GALNTL6: variants seen among roughly 807,000 people sequenced by gnomAD.
GALNTL6 encodes the protein polypeptide N-acetylgalactosaminyltransferase like 6, also known as polypeptide N-acetylgalactosaminyltransferase-like 6.
A neutral mutation model predicts 73.7 loss-of-function variants in GALNTL6; 46 were observed. The observed-to-expected ratio is 0.62, with a 90% confidence interval of 0.49 to 0.80. The LOEUF (loss-of-function observed/expected upper bound fraction) is 0.80. Ranked by LOEUF, GALNTL6 falls within the 30% of genes least tolerant of loss-of-function variation. GALNTL6 has a pLI of 0.00. For synonymous variants in GALNTL6, 259 were observed against 263.7 expected, an observed-to-expected ratio of 0.98 and a Z score of 0.17; for missense variants, 604 against 755.0, an observed-to-expected ratio of 0.80 and a Z score of 2.34.
chr4:172,047,042 A>G (rs1742240440), intron 2 of GALNTL6, among the ~76,000 whole-genome samples: 1 of 152,160 alleles, frequency 6.6e-6, no homozygotes, highest in South Asian at 2.1e-4. Context: ...GAAAACTCCC[A>G]TTCATTCTTA....
chr4:171,837,983 G>C (rs1016236721), intron 2 of GALNTL6, among the ~76,000 whole-genome samples: 5 of 151,606 alleles, frequency 3.3e-5, no homozygotes, highest in African/African-American at 1.2e-4. Context: ...CAAGATAAAT[G>C]CTGTGTTTAT....
chr4:171,818,067 G>A (rs935154024), intron 2 of GALNTL6, among the ~76,000 whole-genome samples: 1 of 151,278 alleles, frequency 6.6e-6, no homozygotes, highest in Admixed American at 6.6e-5. Flanking sequence ...AATATATTTA[G>A]CTGAGAATGA....
intron 2 of GALNTL6, among the ~76,000 whole-genome samples, chr4:171,870,760 T>C (rs2110894225): frequency 6.6e-6 from 1 of 152,250 alleles, no homozygotes. Flanking sequence ...GACAGACACA[T>C]ACTGGAGGGG....
intron 5 of GALNTL6, among the ~76,000 whole-genome samples, chr4:172,484,291 T>C (rs1315705980): frequency 6.6e-6 from 1 of 152,208 alleles, no homozygotes; most frequent in African/African-American, 2.4e-5. Context: ...TGACTAGATT[T>C]TAGGAAAATA....
intron 5 of GALNTL6, among the ~76,000 whole-genome samples, chr4:172,398,376 A>G (rs751757670): frequency 3.9e-5 from 6 of 152,202 alleles, no homozygotes; most frequent in Non-Finnish European, 7.3e-5. Context: ...ATTAAATGGC[A>G]TTTATGAAAA....
intron 5 of GALNTL6, among the ~76,000 whole-genome samples, chr4:172,670,742 T>C (rs1731929262): frequency 6.6e-6 from 1 of 152,204 alleles, no homozygotes; most frequent in Admixed American, 6.5e-5. Context: ...ATGCCTAGAA[T>C]GGTATTGCCT....
At chr4:172,330,237 C>G (rs534596667) in intron 4 of GALNTL6, among the ~76,000 whole-genome samples, 1 of 152,312 alleles carries the variant, frequency 6.6e-6, no homozygotes, top group East Asian at 1.9e-4. Context: ...TGTGCCTGAG[C>G]GGCCACTAAG....
intron 5 of GALNTL6, among the ~76,000 whole-genome samples, chr4:172,658,353 G>A (rs1228587953): frequency 6.7e-6 from 1 of 149,418 alleles, no homozygotes; most frequent in African/African-American, 2.5e-5. Context: ...TGTATTCCCA[G>A]CTACTCGGGA....
chr4:172,789,641 C>T (rs1263579540), intron 5 of GALNTL6, among the ~76,000 whole-genome samples: 2 of 152,128 alleles, frequency 1.3e-5, no homozygotes, highest in African/African-American at 2.4e-5. Flanking sequence ...CCAGGGACCT[C>T]CATGTCTTCA....
rs4993992 is a variant in GALNTL6, at chr4:172,069,602, A to G, written c.139-160054A>G. Among the ~76,000 whole-genome samples the G allele has an allele frequency of 0.011, 83 of 7,526 alleles. 26 individuals carry two copies. In the East Asian group the frequency reaches 0.26, roughly 23 times the overall value. The allele number at this position is 7,526 out of a possible 152,430, so 4.9% of individuals were successfully genotyped here. On this transcript the variant is annotated intron_variant, in intron 2 of 12. Coordinates refer to ENST00000506823, the MANE Select transcript of GALNTL6 (RefSeq NM_001034845.3). Reference sequence around the variant, plus strand: ...TATATATTATATATATAACACATATATGTTATATATATATAACATATATAT... The same window carrying G: ...TATATATTATATATATAACACATATGTGTTATATATATATAACATATATAT...
intron 3 of GALNTL6, among the ~76,000 whole-genome samples, chr4:172,238,670 T>C (rs1737321339): frequency 1.3e-5 from 2 of 152,176 alleles, no homozygotes; most frequent in East Asian, 1.9e-4. Context: ...GGTATACTTA[T>C]CTTGTGCCAG....
intron 2 of GALNTL6, among the ~76,000 whole-genome samples, chr4:171,894,707 A>G (rs17057552): frequency 0.022 from 3,308 of 152,260 alleles, 92 homozygotes; most frequent in African/African-American, 0.07. Context: ...AAATGATTCA[A>G]GTGACAAAGT....
At chr4:172,006,979 T>G (rs1338596724) in intron 2 of GALNTL6, among the ~76,000 whole-genome samples, 2 of 152,164 alleles carry the variant, frequency 1.3e-5, no homozygotes, top group Non-Finnish European at 2.9e-5. Flanking sequence ...AACTTTAAAG[T>G]TAATATGTAA....
intron 5 of GALNTL6, among the ~76,000 whole-genome samples, chr4:172,666,553 C>T (rs899239093): frequency 2.5e-4 from 38 of 152,170 alleles, no homozygotes; most frequent in Admixed American, 3.3e-4. Context: ...CCAGCAACTG[C>T]TTGTTCAACC....
At chr4:172,529,779 G>A (rs1341173965) in intron 5 of GALNTL6, among the ~76,000 whole-genome samples, 1 of 151,878 alleles carries the variant, frequency 6.6e-6, no homozygotes, top group Non-Finnish European at 1.5e-5. Flanking sequence ...TCTGCCTCTT[G>A]GGCTCAAGTG....
chr4:172,666,389 T>C (rs552010101), intron 5 of GALNTL6, among the ~76,000 whole-genome samples: 52 of 152,266 alleles, frequency 3.4e-4, no homozygotes, highest in African/African-American at 1.2e-3. Context: ...CTGGGGAAGA[T>C]AAATACAGCT....
chr4:172,598,607 A>G (rs1737947129), intron 5 of GALNTL6, among the ~76,000 whole-genome samples: 2 of 151,864 alleles, frequency 1.3e-5, no homozygotes, highest in Admixed American at 1.3e-4. Context: ...CTCTACAAAC[A>G]TTTCTAAATT....
intron 5 of GALNTL6, among the ~76,000 whole-genome samples, chr4:172,731,076 T>C (rs1039919107): frequency 9.8e-4 from 120 of 122,594 alleles, no homozygotes; most frequent in African/African-American, 4.0e-3. Context: ...CAAGACTCCA[T>C]CTCCAAAAAA....
At chr4:172,410,952 CAA>C (rs1249041393) in intron 5 of GALNTL6, among the ~76,000 whole-genome samples, 1 of 152,008 alleles carries the variant, frequency 6.6e-6, no homozygotes, top group Non-Finnish European at 1.5e-5. Context: ...TAAATAAATG[CAA>C]GAGTAGCTTT....
Sources: gnomAD v4.1 joint callset for allele counts (sites outside exome capture counted in the v4.1 genomes callset) on GRCh38, gnomAD v4.1.1 for gene constraint, MANE v1.5 for transcripts, NCBI Gene and HGNC (gene_info 2026-07-23, HGNC 2026-07-21) for gene names.